PRKDC: variants seen among roughly 807,000 people sequenced by gnomAD.
PRKDC encodes DNA-dependent protein kinase catalytic subunit.
A neutral mutation model predicts 486.9 loss-of-function variants in PRKDC; 82 were observed. The ratio of observed to expected loss-of-function variants is 0.17; its 90% CI spans 0.14 to 0.20. The LOEUF (loss-of-function observed/expected upper bound fraction) is 0.20, where lower values mean the gene tolerates loss of function less well. Ranked by LOEUF, PRKDC falls within the 10% of genes least tolerant of loss-of-function variation. The pLI is 1.00. For synonymous variants in PRKDC, 1,895 were observed against 1,837.0 expected (o/e 1.03, Z -0.81); for missense variants, 4,504 against 5,038.2 (o/e 0.89, Z 3.21).
intron 85 of PRKDC, among the ~76,000 whole-genome samples, chr8:47,776,274 C>A (rs72646394): frequency 6.8e-4 from 103 of 152,314 alleles, no homozygotes; most frequent in Middle Eastern, 6.8e-3. Context: ...GGTCTTGGCA[C>A]CCTTGTCAAA....
chr8:47,873,227 C>CAAAAAAAAAAAAAAAA, intron 40 of PRKDC, among the ~76,000 whole-genome samples: 1 of 71,076 alleles, frequency 1.4e-5, no homozygotes, highest in Non-Finnish European at 3.8e-5. Context: ...GACTCCATCT[C>CAAAAAAAAAAAAAAAA]AAAAAAAAAA....
chr8:47,900,430 C>T lies in PRKDC; in HGVS notation c.3307G>A (p.Ala1103Thr), dbSNP rs774232545. Residue 1103 changes from alanine to threonine, a missense_variant, in exon 28 of 86, where the codon GCC becomes ACC. Physicochemically the swap from Ala to Thr is moderately conservative, Grantham distance 58. This residue lies in a region of PRKDC where 1,969 missense variants were observed against 2,068.9 expected (regional missense o/e 0.95). Coordinates refer to ENST00000314191, the MANE Select transcript of PRKDC (RefSeq NM_006904.7). Reference protein sequence around the residue: ...ESLVEQFVFEALVIYMESLAL... With the variant: ...ESLVEQFVFETLVIYMESLAL... ...AGACTCTCCATGTATATCACCAAGG[C>T]TTCAAACACAAACTGTTCCACCAGA... 6.2e-7 allele frequency: 1 copy of T among 1,611,650 alleles called. No homozygotes were observed. Among genetic ancestry groups the T allele is most frequent in the Non-Finnish European group, 8.5e-7 (1 of 1,179,028 alleles).
At chr8:47,949,396 A>G (rs914559635) in intron 7 of PRKDC, among the ~76,000 whole-genome samples, 11 of 152,348 alleles carry the variant, frequency 7.2e-5, no homozygotes, top group African/African-American at 2.6e-4. Flanking sequence ...TCTATACAAC[A>G]GAGACATTTT....
At chr8:47,793,173 C>G (rs1292353803) in intron 74 of PRKDC, among the ~76,000 whole-genome samples, 3 of 152,268 alleles carry the variant, frequency 2.0e-5, no homozygotes, top group African/African-American at 7.2e-5. Flanking sequence ...CACAGACCAT[C>G]ATGCCCAGCA....
At chr8:47,930,647 AAAT>A (rs1435575547) in intron 17 of PRKDC, 22 bp downstream of exon 17, 4 of 1,526,126 alleles carry the variant, frequency 2.6e-6, no homozygotes, top group Non-Finnish European at 3.5e-6. Flanking sequence ...TTTCATTCTT[AAAT>A]AATTAGAATT....
At chr8:47,787,974 T>C (rs562333714) in intron 76 of PRKDC, among the ~76,000 whole-genome samples, 6 of 152,330 alleles carry the variant, frequency 3.9e-5, no homozygotes, top group African/African-American at 1.2e-4. Flanking sequence ...AAAGCAGTTA[T>C]TTAAAAAGGA....
At chr8:47,825,565 A>G (rs2087721006) in intron 63 of PRKDC, among the ~76,000 whole-genome samples, 1 of 151,916 alleles carries the variant, frequency 6.6e-6, no homozygotes, top group East Asian at 1.9e-4. Flanking sequence ...TCTGCAAGGA[A>G]TGCAAAAATA....
At chr8:47,854,913 C>T (rs1486956165) in intron 50 of PRKDC, among the ~76,000 whole-genome samples, 1 of 151,996 alleles carries the variant, frequency 6.6e-6, no homozygotes, top group Non-Finnish European at 1.5e-5. Context: ...CCTCAGGCTA[C>T]AAAAAAAGGA....
intron 74 of PRKDC, among the ~76,000 whole-genome samples, chr8:47,793,682 C>CAAAAAA (rs2086924868): frequency 1.2e-5 from 1 of 86,748 alleles, no homozygotes; most frequent in Non-Finnish European, 2.2e-5. Context: ...TTTAAAAAAA[C>CAAAAAA]TAAAAAAAAA....
chr8:47,900,977 G>A (rs1009731156), intron 27 of PRKDC, among the ~76,000 whole-genome samples: 1 of 151,400 alleles, frequency 6.6e-6, no homozygotes, highest in Non-Finnish European at 1.5e-5. Flanking sequence ...GTGACACCCT[G>A]TCTCTACAAA....
chr8:47,918,218 A>C (rs1055367464), intron 22 of PRKDC, 59 bp downstream of exon 22: 29 of 1,119,712 alleles, frequency 2.6e-5, no homozygotes, highest in Non-Finnish European at 3.1e-5. Flanking sequence ...ACTTTTCACA[A>C]GTGTTAGAAT....
intron 40 of PRKDC, among the ~76,000 whole-genome samples, chr8:47,869,371 C>T (rs1020091527): frequency 9.9e-5 from 15 of 151,688 alleles, no homozygotes; most frequent in Admixed American, 9.9e-4. Flanking sequence ...ATCCTGAGTC[C>T]CTCACTCCAG....
chr8:47,855,253 A>G lies in PRKDC; in HGVS notation c.6730T>C (p.Cys2244Arg). 1 of 1,604,814 alleles carries G rather than the reference A, an allele frequency of 6.2e-7. No homozygotes were observed. Among genetic ancestry groups the G allele is most frequent in the East Asian group, 2.2e-5 (1 of 44,778 alleles). The change falls in exon 50 of 86, where the codon TGC becomes CGC. Residue 2244 changes from cysteine to arginine, a missense_variant. Coordinates refer to ENST00000314191, the MANE Select transcript of PRKDC (RefSeq NM_006904.7). ...GGGATGGATAAACAATCCTTCCAGC[A>G]CTCGACAAGGGTCTTTATAATTTCA... ...NLEIIKTLVE[C>R]WKDCLSIPYR...
At chr8:47,789,126 G>A (rs1362033202) in intron 75 of PRKDC, 25 bp downstream of exon 75, 2 of 1,612,362 alleles carry the variant, frequency 1.2e-6, no homozygotes, top group Middle Eastern at 1.7e-4. Flanking sequence ...TATGTTTTAT[G>A]TGCCAGAAGC....
At chr8:47,857,429 C>T in intron 48 of PRKDC, 130 bp from the exon 49 acceptor site, 1 of 998,400 alleles carries the variant, frequency 1.0e-6, no homozygotes. Flanking sequence ...GCGAGGTAAG[C>T]ACGTTAAAGT....
intron 78 of PRKDC, chr8:47,783,119 A>ATG: frequency 6.3e-6 from 1 of 159,962 alleles, no homozygotes; most frequent in Non-Finnish European, 1.4e-5. Flanking sequence ...CTCTACTAAA[A>ATG]ATACAAAAAT....
intron 29 of PRKDC, 72 bp downstream of exon 29, chr8:47,898,398 G>A: frequency 8.2e-7 from 1 of 1,220,716 alleles, no homozygotes; most frequent in Non-Finnish European, 1.2e-6. Flanking sequence ...ATCCATCCCA[G>A]GTTGTCCTTC....
At chr8:47,904,845 G>A (rs2089745758) in intron 26 of PRKDC, 24 bp downstream of exon 26, 1 of 1,455,254 alleles carries the variant, frequency 6.9e-7, no homozygotes, top group East Asian at 2.3e-5. Flanking sequence ...GGGAGTAAGA[G>A]GAAAAGAATC....
Position 47,826,691 on chromosome 8 carries a change from G to A in PRKDC, c.8748C>T (p.Leu2916=). 1.2e-6 allele frequency: 2 copies of A among 1,613,032 alleles called. No homozygotes were observed. Among genetic ancestry groups the A allele is most frequent in the South Asian group, 2.2e-5 (2 of 91,024 alleles). The part of the protein sequence containing the change: ...PAKRVRGKAR[L]PPDVLRWVEL... ...CCACCCATCTGAGGACATCAGGAGGGAGGCGGGCCTTCCCACGGACTCGCT... is the reference window on the plus strand; with the variant it reads ...CCACCCATCTGAGGACATCAGGAGGAAGGCGGGCCTTCCCACGGACTCGCT... The change falls in exon 63 of 86, where the codon CTC becomes CTT. Residue 2916 remains leucine (L), a synonymous_variant. Coordinates refer to ENST00000314191, the MANE Select transcript of PRKDC (RefSeq NM_006904.7).
Sources: gnomAD v4.1 joint callset for allele counts (sites outside exome capture counted in the v4.1 genomes callset) on GRCh38, gnomAD v4.1.1 for gene constraint, gnomAD v4.1.1 regional missense constraint, MANE v1.5 for transcripts, NCBI Gene and HGNC (gene_info 2026-07-23, HGNC 2026-07-21) for gene names.